Variants in CCDC178 observed in about 807,000 individuals in gnomAD.
The protein encoded by CCDC178 is coiled-coil domain containing 178.
A neutral mutation model predicts 117.4 loss-of-function variants in CCDC178; 126 were observed. The ratio of observed to expected loss-of-function variants is 1.07; its 90% CI spans 0.93 to 1.24. The LOEUF is 1.24. Ranked by LOEUF, CCDC178 falls within the 50% of genes most tolerant of loss-of-function variation. CCDC178 has a pLI of 0.00. For missense variants in CCDC178, 1,030 were observed against 986.9 expected (o/e 1.04, Z -0.59); for synonymous variants, 283 against 313.4 (o/e 0.90, Z 1.02).
At chr18:33,066,059 T>C (rs1391621257) in intron 21 of CCDC178, among the ~76,000 whole-genome samples, 7 of 151,892 alleles carry the variant, frequency 4.6e-5, no homozygotes, top group Non-Finnish European at 2.9e-5. Context: ...GATGGGGTTT[T>C]ACCGTGTTGG....
chr18:33,377,216 T>C, intron 5 of CCDC178, among the ~76,000 whole-genome samples: 1 of 152,236 alleles, frequency 6.6e-6, no homozygotes, highest in East Asian at 1.9e-4. Context: ...GTTGAACATT[T>C]TTTCACATGC....
At chr18:33,106,865 A>G (rs1010651143) in intron 20 of CCDC178, among the ~76,000 whole-genome samples, 1 of 151,754 alleles carries the variant, frequency 6.6e-6, no homozygotes, top group Admixed American at 6.6e-5. Flanking sequence ...CATCAAACCT[A>G]TAACTGTCTT....
intron 2 of CCDC178, among the ~76,000 whole-genome samples, chr18:33,418,151 C>G (rs977657687): frequency 2.6e-5 from 4 of 152,190 alleles, no homozygotes; most frequent in African/African-American, 4.8e-5. Flanking sequence ...CCACCACAAT[C>G]AAGTCAGCTT....
Position 33,356,370 on chromosome 18 carries a change from A to G in CCDC178, c.349-24T>C, listed in dbSNP as rs754654200. The G allele has an allele frequency of 2.7e-6, 4 of 1,468,680 alleles. No individual in the cohort carries two copies. In the South Asian group the frequency reaches 3.8e-5, roughly 14 times the overall value. The allele number at this position is 1,468,680 out of a possible 1,614,324, so 91.0% of individuals were successfully genotyped here. A position where few individuals can be genotyped will look rare whatever the true frequency, so the allele number is the denominator to read the frequency against. On this transcript the variant is annotated intron_variant, in intron 6 of 22. Transcript: ENST00000383096. ...AACTGTCAAAACAAAAGATCTCAAT[A>G]AAAATCAAATCTTAAACATATTAAA...
intron 3 of CCDC178, among the ~76,000 whole-genome samples, chr18:33,407,059 T>G (rs957897511): frequency 1.3e-5 from 2 of 152,190 alleles, no homozygotes; most frequent in African/African-American, 4.8e-5. Context: ...GTCTTCTGAA[T>G]GAGTCGCATG....
At chr18:33,130,124 T>C (rs1012356724) in intron 20 of CCDC178, among the ~76,000 whole-genome samples, 2 of 151,954 alleles carry the variant, frequency 1.3e-5, no homozygotes, top group African/African-American at 4.8e-5. Context: ...ATTCAGATAG[T>C]TGTAGACATA....
chr18:33,050,612 G>A (rs564519693), intron 21 of CCDC178, among the ~76,000 whole-genome samples: 3 of 152,270 alleles, frequency 2.0e-5, no homozygotes, highest in East Asian at 3.9e-4. Flanking sequence ...ACCTAAGTAA[G>A]TCAAGATGGT....
rs1295107146 is a variant in CCDC178, at chr18:33,323,536, A to G, written c.977T>C (p.Ile326Thr). The G allele has an allele frequency of 1.3e-6, 2 of 1,568,612 alleles. No individual in the cohort carries two copies. The highest frequency in any genetic ancestry group is 3.7e-5 in the Admixed American group (2 of 54,528). ...RLKAQQIKEE[I>T]DKDIYQDEKT... ...TTCATCCTGGTAAATATCCTTATCAATCTCTTCTTTAATTTGCTGAGCCTT... is the reference window on the plus strand; with the variant it reads ...TTCATCCTGGTAAATATCCTTATCAGTCTCTTCTTTAATTTGCTGAGCCTT... The change falls in exon 11 of 23, where the codon ATT (isoleucine) becomes ACT (threonine). Residue 326 changes from isoleucine to threonine, a missense_variant. Transcript: ENST00000383096.
At chr18:33,163,506 T>G (rs1272527711) in intron 20 of CCDC178, among the ~76,000 whole-genome samples, 1 of 152,190 alleles carries the variant, frequency 6.6e-6, no homozygotes, top group Non-Finnish European at 1.5e-5. Flanking sequence ...CATAAAATTA[T>G]TATCTATATA....
chr18:33,361,107 T>C (rs2063120511), intron 6 of CCDC178, among the ~76,000 whole-genome samples: 1 of 151,608 alleles, frequency 6.6e-6, no homozygotes, highest in African/African-American at 2.4e-5. Flanking sequence ...AAAGCAATCA[T>C]AATCAAAACA....
intron 6 of CCDC178, among the ~76,000 whole-genome samples, chr18:33,367,228 T>C (rs184075434): frequency 2.1e-3 from 320 of 152,218 alleles, no homozygotes; most frequent in Non-Finnish European, 3.9e-3. Flanking sequence ...ATGTTCTCAC[T>C]TTCTTGTGGG....
Position 33,188,061 on chromosome 18 carries a change from T to C in CCDC178, c.2238+23835A>G, listed in dbSNP as rs73419495. 7.9e-3 allele frequency among the ~76,000 whole-genome samples: 1,201 copies of C among 152,186 alleles called. 13 individuals carry two copies. The highest frequency in any genetic ancestry group is 0.027 in the African/African-American group (1,119 of 41,522). On this transcript the variant is annotated intron_variant, in intron 20 of 22. Transcript: ENST00000383096. The stretch of plus-strand genomic sequence containing the variant: ...AAGAGTGACCTGGGGAAATATTCCA[T>C]CAAAATCAATTATCTGAATGCAAAA...
chr18:32,959,245 T>C (rs2054655977), intron 22 of CCDC178, among the ~76,000 whole-genome samples: 1 of 152,156 alleles, frequency 6.6e-6, no homozygotes, highest in African/African-American at 2.4e-5. Flanking sequence ...TTGGTCATGT[T>C]AGATGATTTT....
chr18:32,992,290 A>G (rs1489417978), intron 21 of CCDC178, among the ~76,000 whole-genome samples: 1 of 152,206 alleles, frequency 6.6e-6, no homozygotes. Flanking sequence ...TGTTTCTAAA[A>G]TACATTATAA....
At chr18:33,067,260 C>T (rs767608118) in intron 21 of CCDC178, among the ~76,000 whole-genome samples, 3 of 151,950 alleles carry the variant, frequency 2.0e-5, no homozygotes, top group Non-Finnish European at 4.4e-5. Flanking sequence ...CAACCATTAG[C>T]TCAATAAATA....
At chr18:32,975,075 A>G (rs538835099) in intron 21 of CCDC178, among the ~76,000 whole-genome samples, 3 of 152,300 alleles carry the variant, frequency 2.0e-5, no homozygotes, top group Admixed American at 2.0e-4. Flanking sequence ...ATGGCACATC[A>G]GGTCAAGCCA....
At chr18:33,196,816 C>G (rs981750153) in intron 20 of CCDC178, among the ~76,000 whole-genome samples, 8 of 152,110 alleles carry the variant, frequency 5.3e-5, no homozygotes, top group African/African-American at 1.9e-4. Context: ...GTGAGAGGAA[C>G]CTGCTGAAAT....
At chr18:33,203,947 T>C (rs532859456) in intron 20 of CCDC178, among the ~76,000 whole-genome samples, 2 of 152,288 alleles carry the variant, frequency 1.3e-5, no homozygotes, top group South Asian at 4.1e-4. Flanking sequence ...ATGAGGTCTA[T>C]GTAAGAGTTA....
At chr18:33,416,255 G>A (rs1468930100) in intron 2 of CCDC178, among the ~76,000 whole-genome samples, 7 of 152,018 alleles carry the variant, frequency 4.6e-5, no homozygotes, top group South Asian at 2.1e-4. Flanking sequence ...GTGAAACCCC[G>A]TCTCTACTAA....
Sources: allele counts gnomAD v4.1 joint callset (sites outside exome capture counted in the v4.1 genomes callset), GRCh38; gene constraint gnomAD v4.1.1; transcripts MANE v1.5; gene names NCBI Gene and HGNC (gene_info 2026-07-23, HGNC 2026-07-21).